Variants in RASIP1 observed in about 807,000 individuals in gnomAD.
The protein encoded by RASIP1 is ras-interacting protein 1.
In RASIP1, 20 loss-of-function variants were observed where a neutral mutation model predicts 85.3. The ratio of observed to expected loss-of-function variants is 0.23; its 90% CI spans 0.17 to 0.34. The LOEUF (loss-of-function observed/expected upper bound fraction) is 0.34, where lower values mean the gene tolerates loss of function less well. Ranked by LOEUF, RASIP1 falls within the 10% of genes least tolerant of loss-of-function variation. RASIP1 has a pLI of 1.00. For missense variants in RASIP1, 1,170 were observed against 1,390.9 expected (o/e 0.84, Z 2.53); for synonymous variants, 617 against 647.1 (o/e 0.95, Z 0.71).
chr19:48,731,960 C>A (rs2033465744), intron 4 of RASIP1, among the ~76,000 whole-genome samples: 1 of 152,238 alleles, frequency 6.6e-6, no homozygotes, highest in African/African-American at 2.4e-5. Flanking sequence ...ACTTCACAGC[C>A]ACTCCATGAA....
At position 48,739,857 on chromosome 19, in the gene RASIP1, G is replaced by A. The variant is rs1382411291; in HGVS notation, c.138-212C>T. On this transcript the variant is annotated intron_variant, in intron 2 of 11. Transcript: ENST00000222145. The surrounding 1 kb of genome is among the most constrained non-coding windows in gnomAD (Gnocchi z 9.2). ...ATAAATAAAGGCAAGTCCCACAGTA[G>A]GAAATTCCAAGAGGTGAGCAGGGAG... is the stretch of plus-strand genomic sequence containing the variant. Among the ~76,000 whole-genome samples, 1 of 152,126 alleles carries A rather than the reference G, an allele frequency of 6.6e-6. No homozygotes were observed. Among genetic ancestry groups the A allele is most frequent in the African/African-American group, 2.4e-5 (1 of 41,416 alleles).
chr19:48,734,810 T>G (rs2033539548), intron 4 of RASIP1, among the ~76,000 whole-genome samples: 1 of 152,166 alleles, frequency 6.6e-6, no homozygotes, highest in Non-Finnish European at 1.5e-5. Context: ...AGACAGGATC[T>G]CACTATGTTG....
chr19:48,729,665 C>A, intron 4 of RASIP1, 75 bp from the exon 5 acceptor site: 26 of 1,090,288 alleles, frequency 2.4e-5, no homozygotes, highest in Non-Finnish European at 3.2e-5. Flanking sequence ...CTGTTTTCTA[C>A]AACAACTTTT....
At chr19:48,731,535 A>G (rs757836301) in intron 4 of RASIP1, among the ~76,000 whole-genome samples, 2 of 152,136 alleles carry the variant, frequency 1.3e-5, no homozygotes, top group Non-Finnish European at 2.9e-5. Context: ...GTTCCATCTC[A>G]TTTATCAAAT....
Position 48,728,976 on chromosome 19 carries a change from C to G in RASIP1, c.1794G>C (p.Leu598=). 6.9e-7 allele frequency: 1 copy of G among 1,457,046 alleles called. No individual in the cohort carries two copies. Among genetic ancestry groups the G allele is most frequent in the Admixed American group, 2.8e-5 (1 of 35,140 alleles). 90.3% of individuals were successfully genotyped at this position (1,457,046 alleles called of 1,614,324 possible). The stretch of plus-strand genomic sequence containing the variant: ...TGATGAGCCGGGCCAGGCGGCCCAG[C>G]AGTCGTGGCAGGTGGCCCAGCTCCA... ...RELELGHLPR[L]LGRLARLIKE... Residue 598 remains leucine (L), a synonymous_variant, in exon 5 of 12, where the codon CTG becomes CTC. Transcript: ENST00000222145.
rs2033396432 is a variant in RASIP1 at position 48,729,054 on chromosome 19, G to A, written c.1716C>T (p.Pro572=). 4 of 1,395,936 alleles carry A rather than the reference G, an allele frequency of 2.9e-6. No individual in the cohort carries two copies. The highest frequency in any genetic ancestry group is 3.7e-6 in the Non-Finnish European group (4 of 1,085,002). The allele number at this position is 1,395,936 out of a possible 1,614,324, so 86.5% of individuals were successfully genotyped here. A position where few individuals can be genotyped will look rare whatever the true frequency, so the allele number is the denominator to read the frequency against. Residue 572 remains proline, a synonymous_variant, in exon 5 of 12, where the codon CCC becomes CCT. Coordinates refer to ENST00000222145, the MANE Select transcript of RASIP1 (RefSeq NM_017805.3). ...AAAAGSGDLP[P]LGPATLLALC... ...GCGCCAGCAGCGTGGCGGGCCCGAG[G>A]GGCGGCAGGTCTCCCGAGCCGGCGG...
In RASIP1 at chr19:48,739,261, C is replaced by A; in HGVS notation, c.522G>T (p.Glu174Asp). 6.8e-7 allele frequency: 1 copy of A among 1,470,284 alleles called. No homozygotes were observed. Among genetic ancestry groups the A allele is most frequent in the South Asian group, 1.3e-5 (1 of 77,892 alleles). 91.1% of individuals were successfully genotyped at this position (1,470,284 alleles called of 1,614,324 possible). ...VLATARSTAR[E>D]LVAEALERYG... ...AGCGCTCTAGCGCCTCGGCCACGAG[C>A]TCGCGCGCCGTGGAGCGCGCCGTGG... The change falls in exon 3 of 12, where the codon GAG becomes GAT. Residue 174 changes from glutamate (E) to aspartate (D), a missense_variant. Physicochemically the swap from Glu to Asp is conservative, Grantham distance 45 (BLOSUM62 2). This residue lies in a region of RASIP1 where 299 missense variants were observed against 394.4 expected (regional missense o/e 0.76). Coordinates refer to ENST00000222145, the MANE Select transcript of RASIP1 (RefSeq NM_017805.3). This position sits in a 1 kb window ranked among gnomAD's most constrained non-coding sequence, Gnocchi z 9.2.
chr19:48,723,030 C>T (rs1020751565), intron 10 of RASIP1, among the ~76,000 whole-genome samples: 7 of 152,016 alleles, frequency 4.6e-5, no homozygotes, highest in Admixed American at 3.9e-4. Flanking sequence ...GGACCACAGA[C>T]GTGTGCCTCC....
intron 4 of RASIP1, among the ~76,000 whole-genome samples, chr19:48,734,678 G>T (rs138527903): frequency 6.6e-6 from 1 of 152,002 alleles, no homozygotes; most frequent in African/African-American, 2.4e-5. Flanking sequence ...GTACATACAG[G>T]GTTTCTCCAT....
At chr19:48,733,095 C>G (rs2033493011) in intron 4 of RASIP1, among the ~76,000 whole-genome samples, 1 of 152,184 alleles carries the variant, frequency 6.6e-6, no homozygotes. Context: ...GTGATCACAG[C>G]TTACTGCAGC....
In RASIP1 at chr19:48,724,301, G is replaced by A. The variant is rs758499276; in HGVS notation, c.2544+36C>T. On this transcript the variant is annotated intron_variant, in intron 10 of 11. Transcript: ENST00000222145. This position sits in a 1 kb window ranked among gnomAD's most constrained non-coding sequence, Gnocchi z 4.6. ...GTGGCTGAGGGGGGTTGAGGAGTCA[G>A]AGGTCAGGGGTCAGGTATAGCTGAC... 1.3e-6 allele frequency: 2 copies of A among 1,594,918 alleles called. No homozygotes were observed. Among genetic ancestry groups the A allele is most frequent in the Non-Finnish European group, 1.7e-6 (2 of 1,166,950 alleles).
intron 4 of RASIP1, among the ~76,000 whole-genome samples, chr19:48,730,405 G>A (rs1368913234): frequency 2.0e-5 from 3 of 151,786 alleles, no homozygotes; most frequent in Non-Finnish European, 4.4e-5. Flanking sequence ...CTTGTGATCC[G>A]CCTGCCTTGG....
Position 48,724,257 on chromosome 19 carries a change from G to T in RASIP1, c.2544+80C>A. The T allele has an allele frequency of 6.9e-7, 1 of 1,456,502 alleles. No individual in the cohort carries two copies. Among genetic ancestry groups the T allele is most frequent in the Non-Finnish European group, 9.4e-7 (1 of 1,066,842 alleles). 90.2% of individuals were successfully genotyped at this position (1,456,502 alleles called of 1,614,324 possible). A position where few individuals can be genotyped will look rare whatever the true frequency, so the allele number is the denominator to read the frequency against. On this transcript the variant is annotated intron_variant, in intron 10 of 11. Coordinates refer to ENST00000222145, the MANE Select transcript of RASIP1 (RefSeq NM_017805.3). The surrounding 1 kb of genome is among the most constrained non-coding windows in gnomAD (Gnocchi z 4.6). ...CATGGGGTTCAAGGGGAGCTCTGAC[G>T]GTGAGCTGAATATAGAAGGTGGCTG...
intron 5 of RASIP1, 68 bp downstream of exon 5, chr19:48,728,869 A>AG: frequency 7.4e-7 from 1 of 1,358,110 alleles, no homozygotes; most frequent in Non-Finnish European, 9.5e-7. Context: ...GGTTGAAGGT[A>AG]GGGAAGGGAG....
In RASIP1 at chr19:48,735,508, C is replaced by T. The variant is rs2033553859; in HGVS notation, c.867G>A (p.Arg289=). 2.6e-6 allele frequency: 4 copies of T among 1,550,000 alleles called. No individual in the cohort carries two copies. The South Asian group carries it at 4.7e-5, about 18-fold the overall frequency. ...PSWRPQKNRS[R]AASGGAALAS... ...CCAGCGCTGCCCCACCCGACGCCGC[C>T]CGGGAGCGGTTCTTCTGTGGCCGCC... is the stretch of plus-strand genomic sequence containing the variant. Residue 289 remains arginine (R), a synonymous_variant, in exon 4 of 12, where the codon CGG becomes CGA. Transcript: ENST00000222145.
chr19:48,731,203 G>C (rs2033451532), intron 4 of RASIP1, among the ~76,000 whole-genome samples: 1 of 152,190 alleles, frequency 6.6e-6, no homozygotes, highest in Non-Finnish European at 1.5e-5. Context: ...GAACCTGGGA[G>C]GTGGAGGTTG....
At position 48,721,989 on chromosome 19, in the gene RASIP1, T is replaced by C. The variant is rs746284522; in HGVS notation, c.2557A>G (p.Ser853Gly). The change falls in exon 11 of 12, where the codon AGC (serine) becomes GGC (glycine). Residue 853 changes from serine (S) to glycine (G), a missense_variant. Ser to Gly is a moderately conservative substitution (Grantham distance 56). This residue lies in a region of RASIP1 where 426 missense variants were observed against 576.2 expected (regional missense o/e 0.74). Coordinates refer to ENST00000222145, the MANE Select transcript of RASIP1 (RefSeq NM_017805.3). ...RTSLLKASWS[S>G]LRTDHPTLTP... is the part of the protein sequence containing the mutation. ...AAGGTGGGGTGGTCGGTTCTTAGGC[T>C]GCTCCATGAAGCCTGGTGGGAAGAC... 2.1e-6 allele frequency: 3 copies of C among 1,461,296 alleles called. No individual in the cohort carries two copies. The highest frequency in any genetic ancestry group is 1.4e-5 in the African/African-American group (1 of 69,086). 90.5% of individuals were successfully genotyped at this position (1,461,296 alleles called of 1,614,324 possible). A position where few individuals can be genotyped will look rare whatever the true frequency, so the allele number is the denominator to read the frequency against.
intron 4 of RASIP1, among the ~76,000 whole-genome samples, chr19:48,734,723 G>A (rs2033537492): frequency 6.6e-6 from 1 of 152,208 alleles, no homozygotes; most frequent in South Asian, 2.1e-4. Context: ...CCAACCTCAG[G>A]TGATCCACCC....
intron 8 of RASIP1, 161 bp from the exon 9 acceptor site, chr19:48,725,121 A>G: frequency 4.0e-6 from 3 of 756,220 alleles, no homozygotes; most frequent in Non-Finnish European, 6.4e-6. Context: ...GCAAATCCCT[A>G]CTTGATAGAA....
Sources: gnomAD v4.1 joint callset for allele counts (sites outside exome capture counted in the v4.1 genomes callset) on GRCh38, gnomAD v4.1.1 for gene constraint, gnomAD v4.1.1 regional missense constraint, Gnocchi (gnomAD v3.1) non-coding constraint, MANE v1.5 for transcripts, NCBI Gene and HGNC (gene_info 2026-07-23, HGNC 2026-07-21) for gene names.